Variants in WDR7 observed in about 807,000 individuals in gnomAD.
The protein encoded by WDR7 is WD repeat domain 7.
A neutral mutation model predicts 169.4 loss-of-function variants in WDR7; 46 were observed. The observed-to-expected ratio is 0.27, with a 90% confidence interval of 0.21 to 0.35. The LOEUF is 0.35. Ranked by LOEUF, WDR7 falls within the 10% of genes least tolerant of loss-of-function variation. The pLI, the probability that WDR7 is intolerant of heterozygous loss-of-function variation, is 1.00. For missense variants in WDR7, 1,534 were observed against 1,859.3 expected (o/e 0.83, Z 3.22); for synonymous variants, 612 against 666.8 (o/e 0.92, Z 1.27).
chr18:56,686,995 A>C (rs1459927799), intron 7 of WDR7, 21 bp downstream of exon 7: 1 of 1,593,648 alleles, frequency 6.3e-7, no homozygotes, highest in Admixed American at 1.7e-5. Flanking sequence ...TATATAAATA[A>C]GAAGCTGTAT....
At chr18:56,781,825 T>C in intron 19 of WDR7, 169 bp downstream of exon 19, 1 of 796,732 alleles carries the variant, frequency 1.3e-6, no homozygotes, top group East Asian at 3.5e-5. Context: ...CTCTGTAGTT[T>C]GGAACTTGCT....
intron 11 of WDR7, among the ~76,000 whole-genome samples, chr18:56,695,950 A>G (rs1214839084): frequency 6.6e-6 from 1 of 152,228 alleles, no homozygotes; most frequent in Non-Finnish European, 1.5e-5. Flanking sequence ...CTTCTAATCA[A>G]TATGAAGATT....
chr18:56,749,097 C>T (rs180967342), intron 14 of WDR7, among the ~76,000 whole-genome samples: 2 of 151,746 alleles, frequency 1.3e-5, no homozygotes, highest in Admixed American at 6.6e-5. Context: ...ATTCAGTGAC[C>T]GTTTTACATT....
At position 56,726,381 on chromosome 18, in the gene WDR7, T is replaced by C. The variant is rs371328779; in HGVS notation, c.1775-5002T>C. ...GAGGTCCTTCATATCCCTTGTAAGTTGGATTCCTAGGTATTTTATTCTCTT... is the reference window on the plus strand; with the variant it reads ...GAGGTCCTTCATATCCCTTGTAAGTCGGATTCCTAGGTATTTTATTCTCTT... On this transcript the variant is annotated intron_variant, in intron 13 of 27. Coordinates refer to ENST00000254442, the MANE Select transcript of WDR7 (RefSeq NM_015285.3). Among the ~76,000 whole-genome samples the C allele has an allele frequency of 2.7e-3, 412 of 152,320 alleles. 4 individuals carry two copies. In the East Asian group the frequency reaches 0.036, roughly 13 times the overall value.
chr18:56,816,859 GTTAAAAT>G (rs1402453666), intron 20 of WDR7, among the ~76,000 whole-genome samples: 10 of 152,200 alleles, frequency 6.6e-5, no homozygotes, highest in African/African-American at 1.2e-4. Flanking sequence ...GGTGTGGGTG[GTTAAAAT>G]TTAAAATTTG....
At chr18:56,653,812 T>C (rs1331322837) in intron 1 of WDR7, among the ~76,000 whole-genome samples, 1 of 152,232 alleles carries the variant, frequency 6.6e-6, no homozygotes, top group African/African-American at 2.4e-5. Flanking sequence ...ATTTTCATTT[T>C]CCTACCTCTA....
chr18:56,852,450 A>G (rs2045655112), intron 20 of WDR7, among the ~76,000 whole-genome samples: 1 of 152,204 alleles, frequency 6.6e-6, no homozygotes, highest in South Asian at 2.1e-4. Context: ...CGTATTTTGA[A>G]TTGTGGAATA....
Position 56,696,285 on chromosome 18 carries a change from C to T in WDR7, c.1401C>T (p.Val467=). Residue 467 remains valine (V), a synonymous_variant, in exon 12 of 28, where the codon GTC becomes GTT. Coordinates refer to ENST00000254442, the MANE Select transcript of WDR7 (RefSeq NM_015285.3). ...HRTLRGHRNK[V]TCLLYPHQVS... ...CACTCCGTGGTCATCGGAACAAAGT[C>T]ACATGTTTGCTATATCCTCATCAGG... The T allele has an allele frequency of 6.2e-7, 1 of 1,614,096 alleles. No homozygotes were observed. Among genetic ancestry groups the T allele is most frequent in the Non-Finnish European group, 8.5e-7 (1 of 1,179,996 alleles).
At chr18:57,005,435 A>G (rs1428608720) in intron 26 of WDR7, among the ~76,000 whole-genome samples, 2 of 152,146 alleles carry the variant, frequency 1.3e-5, no homozygotes, top group African/African-American at 4.8e-5. Flanking sequence ...ATTTTTATGG[A>G]AAAATAAAAT....
chr18:56,760,074 A>G (rs543530223), intron 16 of WDR7, among the ~76,000 whole-genome samples: 80 of 152,348 alleles, frequency 5.3e-4, no homozygotes, highest in African/African-American at 1.8e-3. Context: ...ATCATTATGT[A>G]ATAGTGTATA....
rs774949461 is a variant in WDR7 at position 56,962,505 on chromosome 18, C to T, written c.4140C>T (p.Tyr1380=). ...CTCGCCATGGTTCAGTGGCCCTGTACGACATCCGGACTGGAAAATGTCAGG... is the reference window on the plus strand; with the variant it reads ...CTCGCCATGGTTCAGTGGCCCTGTATGACATCCGGACTGGAAAATGTCAGG... ...VGARHGSVAL[Y]DIRTGKCQTI... Residue 1380 remains tyrosine (Y), a synonymous_variant, in exon 26 of 28, where the codon TAC becomes TAT. Coordinates refer to ENST00000254442, the MANE Select transcript of WDR7 (RefSeq NM_015285.3). 55 of 1,612,854 alleles carry T rather than the reference C, an allele frequency of 3.4e-5. No homozygotes were observed. In the Middle Eastern group the frequency reaches 5.0e-4, roughly 15 times the overall value.
chr18:56,940,477 C>G (rs1319128465), intron 25 of WDR7, among the ~76,000 whole-genome samples: 2 of 152,022 alleles, frequency 1.3e-5, no homozygotes, highest in East Asian at 3.8e-4. Flanking sequence ...TGTAGCATAC[C>G]TGTTTACAGA....
At chr18:57,009,155 A>C (rs2048104892) in intron 26 of WDR7, among the ~76,000 whole-genome samples, 1 of 152,232 alleles carries the variant, frequency 6.6e-6, no homozygotes, top group Non-Finnish European at 1.5e-5. Context: ...TATGAATATT[A>C]TGATTTTAAT....
At chr18:56,924,230 G>A (rs1197309879) in intron 22 of WDR7, 122 bp downstream of exon 22, 4 of 1,105,894 alleles carry the variant, frequency 3.6e-6, no homozygotes, top group Non-Finnish European at 3.8e-6. Flanking sequence ...ATACACAAAT[G>A]TTTCAATATG....
intron 26 of WDR7, among the ~76,000 whole-genome samples, chr18:56,971,941 A>T (rs1042045566): frequency 6.6e-6 from 1 of 152,244 alleles, no homozygotes; most frequent in Admixed American, 6.5e-5. Context: ...TCTGTGATTT[A>T]TTACATGCTA....
chr18:57,015,230 T>C (rs1314358939), intron 26 of WDR7, among the ~76,000 whole-genome samples: 1 of 152,230 alleles, frequency 6.6e-6, no homozygotes, highest in Non-Finnish European at 1.5e-5. Context: ...CTTAAGAGCC[T>C]ATGCACAAAG....
At chr18:56,822,517 A>G (rs2045116603) in intron 20 of WDR7, among the ~76,000 whole-genome samples, 1 of 152,210 alleles carries the variant, frequency 6.6e-6, no homozygotes, top group Non-Finnish European at 1.5e-5. Flanking sequence ...CCAAAGAACA[A>G]AATACGGCAT....
Position 56,779,444 on chromosome 18 carries a change from A to G in WDR7, c.2961A>G (p.Leu987=). 1 of 1,606,000 alleles carries G rather than the reference A, an allele frequency of 6.2e-7. No homozygotes were observed. The highest frequency in any genetic ancestry group is 8.5e-7 in the Non-Finnish European group (1 of 1,176,384). The change falls in exon 18 of 28, where the codon TTA becomes TTG. Residue 987 remains leucine (L), a synonymous_variant. Coordinates refer to ENST00000254442, the MANE Select transcript of WDR7 (RefSeq NM_015285.3). ...CFLVNEGWSQ[L]AAMHCVMLPD... Reference sequence around the variant, plus strand: ...CATTTTTGACAGGTTGGAGTCAGTTAGCTGCTATGCACTGTGTTATGCTGC... The same window carrying G: ...CATTTTTGACAGGTTGGAGTCAGTTGGCTGCTATGCACTGTGTTATGCTGC...
chr18:56,943,022 A>C (rs2047054207), intron 25 of WDR7, among the ~76,000 whole-genome samples: 2 of 152,236 alleles, frequency 1.3e-5, no homozygotes, highest in African/African-American at 4.8e-5. Flanking sequence ...ATGATAAATT[A>C]TAGAGGACTT....
Sources: allele counts gnomAD v4.1 joint callset (sites outside exome capture counted in the v4.1 genomes callset), GRCh38; gene constraint gnomAD v4.1.1; transcripts MANE v1.5; gene names NCBI Gene and HGNC (gene_info 2026-07-23, HGNC 2026-07-21).